TXK: variants seen among roughly 807,000 people sequenced by gnomAD.
The protein encoded by TXK is TXK tyrosine kinase, also known as tyrosine-protein kinase TXK.
In TXK, 60 loss-of-function variants were observed where a neutral mutation model predicts 81.0. The observed-to-expected ratio is 0.74, with a 90% confidence interval of 0.60 to 0.92. The LOEUF (loss-of-function observed/expected upper bound fraction) is 0.92, where lower values mean the gene tolerates loss of function less well. Among genes scored for constraint, TXK ranks in the 40% least tolerant of loss-of-function variants. The pLI, the probability that TXK is intolerant of heterozygous loss-of-function variation, is 0.00. For missense variants in TXK, 581 were observed against 638.3 expected (o/e 0.91, Z 0.97); for synonymous variants, 203 against 210.7 (o/e 0.96, Z 0.32).
In TXK at chr4:48,067,620, T is replaced by A; in HGVS notation, c.*17A>T. 1 of 1,613,520 alleles carries A rather than the reference T, an allele frequency of 6.2e-7. No individual in the cohort carries two copies. The highest frequency in any genetic ancestry group is 8.5e-7 in the Non-Finnish European group (1 of 1,179,428). On this transcript the variant is annotated 3_prime_UTR_variant, in exon 15 of 15. Coordinates refer to ENST00000264316, the MANE Select transcript of TXK (RefSeq NM_003328.3). The stretch of plus-strand genomic sequence containing the variant: ...AGTTTTGCAAGATGACTCTTTGGGT[T>A]GGCATTCTGTTTCCGGTCACCAGGT...
At chr4:48,124,919 T>C (rs1015148395) in intron 1 of TXK, among the ~76,000 whole-genome samples, 6 of 152,242 alleles carry the variant, frequency 3.9e-5, no homozygotes, top group African/African-American at 1.4e-4. Context: ...CACTGTTCCC[T>C]TTTCTTGGAG....
chr4:48,080,274 A>G (rs1351322148), intron 10 of TXK, 146 bp from the exon 11 acceptor site: 15 of 678,072 alleles, frequency 2.2e-5, no homozygotes, highest in African/African-American at 5.4e-5. Flanking sequence ...GAAGTAGTTC[A>G]GTTTCCTTGC....
rs1316066490 is a variant in TXK, at chr4:48,107,913, A to AC, written c.446+2624_446+2625insG. ...CTGTCTCTACTTAAAAAAAAAAAAA[A>AC]AAAAAAAAAAAACCGGGCGTGGTGG... is the stretch of plus-strand genomic sequence containing the variant. On this transcript the variant is annotated intron_variant, in intron 5 of 14. Transcript: ENST00000264316. 4.5e-4 allele frequency among the ~76,000 whole-genome samples: 10 copies of AC among 22,032 alleles called. 1 individual carries two copies. The highest frequency in any genetic ancestry group is 7.5e-4 in the African/African-American group (10 of 13,360). 14.5% of individuals were successfully genotyped at this position (22,032 alleles called of 152,430 possible).
intron 1 of TXK, among the ~76,000 whole-genome samples, chr4:48,125,856 T>C (rs2109485326): frequency 6.6e-6 from 1 of 152,302 alleles, no homozygotes; most frequent in African/African-American, 2.4e-5. Context: ...CCAAAGGCGG[T>C]CTGCTGGCAA....
At chr4:48,087,838 A>G (rs1717595324) in intron 9 of TXK, among the ~76,000 whole-genome samples, 1 of 152,328 alleles carries the variant, frequency 6.6e-6, no homozygotes, top group African/African-American at 2.4e-5. Flanking sequence ...ATATTGATAA[A>G]TTATACTTCA....
At chr4:48,088,071 T>C (rs1239839048) in intron 9 of TXK, among the ~76,000 whole-genome samples, 1 of 152,106 alleles carries the variant, frequency 6.6e-6, no homozygotes, top group African/African-American at 2.4e-5. Context: ...TTGATAAAAA[T>C]AATTAGTCAT....
chr4:48,117,176 C>T (rs1718835871), intron 1 of TXK, among the ~76,000 whole-genome samples: 1 of 152,184 alleles, frequency 6.6e-6, no homozygotes, highest in Non-Finnish European at 1.5e-5. Context: ...TTATGAGTCA[C>T]CGCGCTCGGC....
intron 1 of TXK, among the ~76,000 whole-genome samples, chr4:48,124,312 C>T (rs1719030830): frequency 6.6e-6 from 1 of 152,188 alleles, no homozygotes; most frequent in Admixed American, 6.5e-5. Context: ...ATTGTGGAAA[C>T]CCAAGTGTTT....
At chr4:48,117,498 G>A (rs766544624) in intron 1 of TXK, among the ~76,000 whole-genome samples, 3 of 152,112 alleles carry the variant, frequency 2.0e-5, no homozygotes, top group African/African-American at 7.2e-5. Context: ...CCCCTTCAGG[G>A]CCTATAAATT....
chr4:48,080,023 A>G lies in TXK; in HGVS notation c.1062T>C (p.Tyr354=). ...TAAGCTTTCCTTTATTCTCCCTGAG[A>G]TAGTTAAGCAGGCAGCCATTTTCCA... ...EFMENGCLLN[Y]LRENKGKLRK... Residue 354 remains tyrosine (Y), a synonymous_variant, in exon 11 of 15, where the codon TAT becomes TAC. Coordinates refer to ENST00000264316, the MANE Select transcript of TXK (RefSeq NM_003328.3). 6.2e-7 allele frequency: 1 copy of G among 1,614,044 alleles called. No individual in the cohort carries two copies. Among genetic ancestry groups the G allele is most frequent in the Non-Finnish European group, 8.5e-7 (1 of 1,179,984 alleles).
At chr4:48,100,069 G>A (rs1718132804) in intron 6 of TXK, among the ~76,000 whole-genome samples, 1 of 149,746 alleles carries the variant, frequency 6.7e-6, no homozygotes, top group African/African-American at 2.4e-5. Flanking sequence ...CTACTCGGGA[G>A]GCTGAGGCAG....
intron 14 of TXK, 102 bp from the exon 15 acceptor site, chr4:48,067,807 G>T: frequency 1.8e-6 from 2 of 1,116,500 alleles, no homozygotes; most frequent in Non-Finnish European, 2.6e-6. Flanking sequence ...ATATCCCACT[G>T]CTCGAGGTCA....
rs1282253755 is a variant in TXK at position 48,107,518 on chromosome 4, CA to C, written c.447-2564del. Among the ~76,000 whole-genome samples, 9 of 152,142 alleles carry C rather than the reference CA, an allele frequency of 5.9e-5. No individual in the cohort carries two copies. In the East Asian group the frequency reaches 1.2e-3, roughly 20 times the overall value. On this transcript the variant is annotated intron_variant, in intron 5 of 14. Transcript: ENST00000264316. ...TCCACAGCGTCCAATACTGTTCCTT[CA>C]AAACACTACAGTTTATTTTATTTTT...
At chr4:48,121,558 A>G (rs190078440) in intron 1 of TXK, among the ~76,000 whole-genome samples, 45 of 152,352 alleles carry the variant, frequency 3.0e-4, no homozygotes, top group Admixed American at 1.9e-3. Flanking sequence ...AAATGACATA[A>G]TATTTGCATG....
chr4:48,122,268 C>T (rs1261043000), intron 1 of TXK, among the ~76,000 whole-genome samples: 2 of 152,200 alleles, frequency 1.3e-5, no homozygotes, highest in Non-Finnish European at 2.9e-5. Context: ...CTCATCTCCT[C>T]TGCAATAAGC....
intron 11 of TXK, 111 bp from the exon 12 acceptor site, chr4:48,076,577 C>T (rs186339260): frequency 2.9e-5 from 22 of 769,318 alleles, no homozygotes; most frequent in Admixed American, 8.0e-5. Flanking sequence ...CTGTGTGTAC[C>T]GCCAAGTCAT....
chr4:48,105,693 T>A (rs936585719), intron 5 of TXK, among the ~76,000 whole-genome samples: 2 of 152,102 alleles, frequency 1.3e-5, no homozygotes, highest in African/African-American at 4.8e-5. Flanking sequence ...ATAAAATTTT[T>A]AAAAAATCAA....
chr4:48,094,116 T>C lies in TXK; in HGVS notation c.670A>G (p.Ile224Val), dbSNP rs770961170. 2.4e-5 allele frequency: 38 copies of C among 1,613,694 alleles called. No individual in the cohort carries two copies. Among genetic ancestry groups the C allele is most frequent in the African/African-American group, 6.7e-5 (5 of 74,934 alleles). Residue 224 changes from isoleucine to valine, a missense_variant, in exon 8 of 15, where the codon ATC becomes GTC. Transcript: ENST00000264316. Reference protein sequence around the residue: ...YVAERHAFQSIPELIWYHQHN... With the variant: ...YVAERHAFQSVPELIWYHQHN... Reference sequence around the variant, plus strand: ...TGGTGATACCAGATTAACTCAGGGATTGATTGAAAGGCGTGTCTTTCAGCC... The same window carrying C: ...TGGTGATACCAGATTAACTCAGGGACTGATTGAAAGGCGTGTCTTTCAGCC...
At chr4:48,081,460 G>C (rs1041632691) in intron 10 of TXK, among the ~76,000 whole-genome samples, 3 of 152,116 alleles carry the variant, frequency 2.0e-5, no homozygotes, top group African/African-American at 7.2e-5. Context: ...ATTCTTGTTT[G>C]TTATAACTCT....
Sources: gnomAD v4.1 joint callset for allele counts (sites outside exome capture counted in the v4.1 genomes callset) on GRCh38, gnomAD v4.1.1 for gene constraint, MANE v1.5 for transcripts, NCBI Gene and HGNC (gene_info 2026-07-23, HGNC 2026-07-21) for gene names.